The following SLC4A4 variants were observed in gnomAD, a reference collection of about 807,000 sequenced individuals.
SLC4A4 encodes solute carrier family 4 member 4, also known as electrogenic sodium bicarbonate cotransporter 1.
In SLC4A4, 27 loss-of-function variants were observed where a neutral mutation model predicts 111.5. The observed-to-expected ratio is 0.24, with a 90% CI of 0.18 to 0.33. The LOEUF (loss-of-function observed/expected upper bound fraction) is 0.33. Ranked by LOEUF, SLC4A4 falls within the 10% of genes least tolerant of loss-of-function variation. SLC4A4 has a pLI of 1.00. For missense variants in SLC4A4, 909 were observed against 1,315.5 expected, an observed-to-expected ratio of 0.69 and a Z score of 4.78; for synonymous variants, 443 against 463.4, an observed-to-expected ratio of 0.96 and a Z score of 0.57.
At chr4:71,324,346 C>A (rs1727344321) in intron 3 of SLC4A4, among the ~76,000 whole-genome samples, 1 of 151,884 alleles carries the variant, frequency 6.6e-6, no homozygotes, top group African/African-American at 2.4e-5. Context: ...ACTTTTCTCT[C>A]TGATAGTCTT....
At chr4:71,465,863 A>G (rs1727263388) in intron 12 of SLC4A4, among the ~76,000 whole-genome samples, 1 of 152,132 alleles carries the variant, frequency 6.6e-6, no homozygotes. Context: ...ACATTGGACA[A>G]TGAAAATGTA....
chr4:71,443,144 A>G (rs1243614478), intron 8 of SLC4A4, among the ~76,000 whole-genome samples: 8 of 136,566 alleles, frequency 5.9e-5, no homozygotes, highest in Non-Finnish European at 1.1e-4. Flanking sequence ...ATATATATAT[A>G]TATATATAAA....
rs571188511 is a variant in SLC4A4 at position 71,368,025 on chromosome 4, A to G, written c.730+10838A>G. Among the ~76,000 whole-genome samples, 4 of 152,280 alleles carry G rather than the reference A, an allele frequency of 2.6e-5. No individual in the cohort carries two copies. In the South Asian group the frequency reaches 6.2e-4, roughly 24 times the overall value. ...ATATGCCTTGTTTACTGCCTTGATCATTTAATGATGATCTTTATTAAGTCA... is the reference window on the plus strand; with the variant it reads ...ATATGCCTTGTTTACTGCCTTGATCGTTTAATGATGATCTTTATTAAGTCA... On this transcript the variant is annotated intron_variant, in intron 6 of 25. Coordinates refer to ENST00000264485, the MANE Select transcript of SLC4A4 (RefSeq NM_001098484.3).
At chr4:71,320,826 C>T (rs761849431) in intron 3 of SLC4A4, among the ~76,000 whole-genome samples, 16 of 152,016 alleles carry the variant, frequency 1.1e-4, no homozygotes, top group African/African-American at 2.4e-4. Flanking sequence ...AAGCCTTACA[C>T]GTTACCCCAA....
At chr4:71,236,479 A>G (rs936183863) in intron 1 of SLC4A4, 97 bp from the exon 2 acceptor site, 15 of 1,098,678 alleles carry the variant, frequency 1.4e-5, no homozygotes, top group African/African-American at 1.1e-4. Context: ...AACATGAACA[A>G]CAGCTTGCAG....
intron 1 of SLC4A4, among the ~76,000 whole-genome samples, chr4:71,078,581 A>G (rs1050881239): frequency 3.7e-4 from 56 of 152,156 alleles, no homozygotes; most frequent in African/African-American, 1.3e-3. Context: ...TAGTGCAACA[A>G]AAGAAAAAAT....
intron 1 of SLC4A4, among the ~76,000 whole-genome samples, chr4:71,065,536 G>A (rs751630711): frequency 2.6e-5 from 4 of 152,096 alleles, no homozygotes; most frequent in African/African-American, 4.8e-5. Context: ...GCTGAAAGAC[G>A]TGATATAAAT....
intron 9 of SLC4A4, 74 bp downstream of exon 9, chr4:71,447,807 A>G (rs754127601): frequency 3.2e-6 from 3 of 926,082 alleles, no homozygotes; most frequent in Non-Finnish European, 5.3e-6. Context: ...GGCTGTCACA[A>G]TTTATTCAAT....
intron 18 of SLC4A4, among the ~76,000 whole-genome samples, chr4:71,546,149 A>G (rs559755368): frequency 6.6e-6 from 1 of 152,222 alleles, no homozygotes; most frequent in South Asian, 2.1e-4. Context: ...GGTCTCTACC[A>G]TAGCAGCTAT....
chr4:71,158,050 A>G lies in SLC4A4; in HGVS notation c.-2+65258A>G, dbSNP rs148554054. Among the ~76,000 whole-genome samples, 20 of 151,794 alleles carry G rather than the reference A, an allele frequency of 1.3e-4. No homozygotes were observed. In the East Asian group the frequency reaches 3.9e-3, roughly 29 times the overall value. On this transcript the variant is annotated intron_variant, in intron 2 of 26. Coordinates refer to the SLC4A4 transcript ENST00000649996. ...TAAACAACAACTGAAGTTTATGGGAAAAGACCAATTAAAAAATGAGAATGT... is the reference window on the plus strand; with the variant it reads ...TAAACAACAACTGAAGTTTATGGGAGAAGACCAATTAAAAAATGAGAATGT...
At chr4:71,494,086 T>C (rs1430048670) in intron 15 of SLC4A4, among the ~76,000 whole-genome samples, 4 of 152,024 alleles carry the variant, frequency 2.6e-5, no homozygotes, top group South Asian at 2.1e-4. Flanking sequence ...ATCAGCTCTT[T>C]CCTGATGACT....
At chr4:71,358,694 A>T (rs936424484) in intron 6 of SLC4A4, among the ~76,000 whole-genome samples, 2 of 152,076 alleles carry the variant, frequency 1.3e-5, no homozygotes, top group African/African-American at 2.4e-5. Flanking sequence ...TTTGGTTTTT[A>T]TGTCTCCCCT....
chr4:71,487,340 T>G (rs1729503797), intron 15 of SLC4A4, among the ~76,000 whole-genome samples: 1 of 151,678 alleles, frequency 6.6e-6, no homozygotes, highest in Non-Finnish European at 1.5e-5. Context: ...ATGTGAGAAG[T>G]TGGAAAATGA....
chr4:71,356,667 T>C (rs762485362), intron 5 of SLC4A4, among the ~76,000 whole-genome samples: 4 of 152,234 alleles, frequency 2.6e-5, no homozygotes, highest in Non-Finnish European at 4.4e-5. Context: ...ATTTCTGATA[T>C]ACATTTGCTA....
chr4:71,439,199 C>T (rs1293667983), intron 7 of SLC4A4, among the ~76,000 whole-genome samples: 3 of 151,472 alleles, frequency 2.0e-5, no homozygotes, highest in African/African-American at 4.8e-5. Flanking sequence ...GAGGCTGAGG[C>T]GGGTGGATCC....
chr4:71,225,238 G>A (rs571491742), intron 1 of SLC4A4, among the ~76,000 whole-genome samples: 1 of 152,050 alleles, frequency 6.6e-6, no homozygotes, highest in African/African-American at 2.4e-5. Flanking sequence ...TGTAATCCCA[G>A]CTACTTGGGA....
chr4:71,468,795 C>T (rs180939980), intron 13 of SLC4A4, among the ~76,000 whole-genome samples: 5 of 151,802 alleles, frequency 3.3e-5, no homozygotes, highest in South Asian at 4.2e-4. Context: ...TATATACCCC[C>T]CTCTTGGTAG....
intron 7 of SLC4A4, among the ~76,000 whole-genome samples, chr4:71,403,404 T>C (rs966851294): frequency 1.3e-5 from 2 of 152,224 alleles, no homozygotes; most frequent in African/African-American, 4.8e-5. Context: ...ACTTCCATAC[T>C]TTTGGGAAGA....
At chr4:71,125,197 A>G (rs1373958100) in intron 2 of SLC4A4, among the ~76,000 whole-genome samples, 1 of 152,270 alleles carries the variant, frequency 6.6e-6, no homozygotes, top group Non-Finnish European at 1.5e-5. Flanking sequence ...CAGATTGTAG[A>G]GAATAGTAAT....
Sources: allele counts gnomAD v4.1 joint callset (sites outside exome capture counted in the v4.1 genomes callset), GRCh38; gene constraint gnomAD v4.1.1; transcripts MANE v1.5; gene names NCBI Gene and HGNC (gene_info 2026-07-23, HGNC 2026-07-21).